Variants in FRG1 observed in about 807,000 individuals in gnomAD.
The protein encoded by FRG1 is protein FRG1.
In FRG1, 19 loss-of-function variants were observed where a neutral mutation model predicts 37.0. That is an observed-to-expected ratio of 0.51 (90% confidence interval 0.36 to 0.75). The LOEUF is 0.75. FRG1 is among the 30% of genes least tolerant of loss of function. The pLI is 0.00. For synonymous variants in FRG1, 73 were observed against 96.5 expected (o/e 0.76, Z 1.43); for missense variants, 243 against 301.4 (o/e 0.81, Z 1.44).
At chr4:189,956,816 C>T (rs1357459656) in intron 5 of FRG1, among the ~76,000 whole-genome samples, 1 of 151,894 alleles carries the variant, frequency 6.6e-6, no homozygotes, top group African/African-American at 2.4e-5. Context: ...AATTTATAAC[C>T]CAGATTTAGA....
intron 5 of FRG1, among the ~76,000 whole-genome samples, chr4:189,955,961 A>G (rs1325580882): frequency 1.3e-5 from 2 of 152,200 alleles, no homozygotes; most frequent in African/African-American, 4.8e-5. Flanking sequence ...AAGATGACAG[A>G]TTAAACAAAC....
At chr4:189,950,402 G>A (rs368304548) in intron 2 of FRG1, among the ~76,000 whole-genome samples, 1 of 152,034 alleles carries the variant, frequency 6.6e-6, no homozygotes, top group Non-Finnish European at 1.5e-5. Context: ...GTTTTCTTTT[G>A]TTGCCTGTGC....
chr4:189,946,618 A>T (rs975387990), intron 2 of FRG1, among the ~76,000 whole-genome samples: 4 of 152,014 alleles, frequency 2.6e-5, no homozygotes, highest in Non-Finnish European at 5.9e-5. Context: ...TTTCATTTTC[A>T]TTCCATTCAA....
intron 2 of FRG1, 89 bp downstream of exon 2, chr4:189,943,361 T>A: frequency 6.9e-7 from 1 of 1,447,938 alleles, no homozygotes; most frequent in Non-Finnish European, 9.4e-7. Context: ...AAATTTATGA[T>A]GTATTCATAT....
At chr4:189,943,958 G>T (rs1736421681) in intron 2 of FRG1, among the ~76,000 whole-genome samples, 1 of 152,132 alleles carries the variant, frequency 6.6e-6, no homozygotes, top group Non-Finnish European at 1.5e-5. Flanking sequence ...TAAATATCTA[G>T]GGTAGATATG....
intron 5 of FRG1, 128 bp downstream of exon 5, chr4:189,955,279 C>G (rs1736935581): frequency 1.7e-6 from 1 of 603,196 alleles, no homozygotes; most frequent in Non-Finnish European, 3.0e-6. Flanking sequence ...AGGAATAAAT[C>G]AATAAGAACA....
intron 4 of FRG1, among the ~76,000 whole-genome samples, chr4:189,953,558 A>T (rs1376187890): frequency 2.0e-5 from 3 of 152,160 alleles, no homozygotes; most frequent in Non-Finnish European, 4.4e-5. Context: ...GTCATTTTAT[A>T]AAGTAACCTT....
chr4:189,941,481 A>G (rs1256530530), intron 1 of FRG1, among the ~76,000 whole-genome samples: 1 of 152,240 alleles, frequency 6.6e-6, no homozygotes, highest in Non-Finnish European at 1.5e-5. Flanking sequence ...TCTAATATGT[A>G]CAGTGAAACC....
rs2293866 is a variant in FRG1, at chr4:189,957,653, A to G, written c.537+151A>G. 0.29 allele frequency: 199,468 copies of G among 688,904 alleles called. 32,135 individuals are homozygous for G. Among genetic ancestry groups the G allele is most frequent in the African/African-American group, 0.45 (25,016 of 54,994 alleles). 42.7% of individuals were successfully genotyped at this position (688,904 alleles called of 1,614,324 possible). A position where few individuals can be genotyped will look rare whatever the true frequency, so the allele number is the denominator to read the frequency against. On this transcript the variant is annotated intron_variant, in intron 6 of 8. Transcript: ENST00000226798. ...GTTTCAAATAGACTCATTTTTAATT[A>G]TAAATCCCATAGTTGATGTCTTGTT...
intron 1 of FRG1, 84 bp from the exon 2 acceptor site, chr4:189,943,118 A>G (rs1038191886): frequency 2.8e-6 from 4 of 1,407,080 alleles, no homozygotes; most frequent in Non-Finnish European, 3.8e-6. Flanking sequence ...GAAACAGCTT[A>G]AAAGACTTTC....
chr4:189,943,237 GAGA>G lies in FRG1; in HGVS notation c.105_107del (p.Glu35del), dbSNP rs747879491. On this transcript the variant is annotated inframe_deletion, in exon 2 of 9. Coordinates refer to ENST00000226798, the MANE Select transcript of FRG1 (RefSeq NM_004477.3). ...AAGAGCAAAGATAAGAAAAGAAAAA[GAGA>G]AGAAGATGAAGAAACCCAGCTTGAT... is the stretch of plus-strand genomic sequence containing the variant. 1.3e-4 allele frequency: 205 copies of G among 1,608,272 alleles called. No homozygotes were observed. Among genetic ancestry groups the G allele is most frequent in the East Asian group, 3.6e-4 (16 of 44,724 alleles).
chr4:189,941,055 G>T lies in FRG1; in HGVS notation c.46G>T (p.Gly16Ter). The change falls in exon 1 of 9, where the codon GGA (glycine) becomes TGA (stop). Residue 16 changes from glycine (G) to a stop codon, truncating the protein, a stop_gained. Transcript: ENST00000226798. LOFTEE classifies it high-confidence loss of function. ...YVKSTKLVLKGTKTKSKKKKS... is the reference protein window; with the variant it reads ...YVKSTKLVLK ...GAAGTCTACCAAGCTCGTGCTCAAG[G>T]GAACCAAGACGAAGAGGTGGGTCCT... 1 of 1,614,140 alleles carries T rather than the reference G, an allele frequency of 6.2e-7. No homozygotes were observed. The highest frequency in any genetic ancestry group is 8.5e-7 in the Non-Finnish European group (1 of 1,179,978).
At chr4:189,949,534 G>A (rs1579626248) in intron 2 of FRG1, among the ~76,000 whole-genome samples, 1 of 152,166 alleles carries the variant, frequency 6.6e-6, no homozygotes, top group Non-Finnish European at 1.5e-5. Flanking sequence ...TAAGGAGCTT[G>A]TCTGCCAGAA....
intron 6 of FRG1, among the ~76,000 whole-genome samples, chr4:189,958,725 A>G (rs1161994786): frequency 6.6e-6 from 1 of 152,262 alleles, no homozygotes. Context: ...TACTGTTAAT[A>G]TAACCTAGAT....
intron 2 of FRG1, among the ~76,000 whole-genome samples, chr4:189,950,200 G>T (rs200786473): frequency 2.9e-5 from 4 of 136,064 alleles, no homozygotes; most frequent in Non-Finnish European, 4.8e-5. Context: ...CAATGTCCGT[G>T]TATATCCTTT....
chr4:189,960,018 G>A (rs1195227347), intron 6 of FRG1: 1 of 426,744 alleles, frequency 2.3e-6, no homozygotes, highest in Admixed American at 6.4e-5. Flanking sequence ...CCCTAGCAGG[G>A]AATGTTTTCA....
chr4:189,944,466 A>G (rs1193464850), intron 2 of FRG1, among the ~76,000 whole-genome samples: 1 of 151,654 alleles, frequency 6.6e-6, no homozygotes, highest in Non-Finnish European at 1.5e-5. Context: ...TATGTCTTTG[A>G]TCTAAGAGAT....
intron 5 of FRG1, among the ~76,000 whole-genome samples, chr4:189,956,600 C>A (rs1397067744): frequency 6.6e-6 from 1 of 152,162 alleles, no homozygotes; most frequent in African/African-American, 2.4e-5. Flanking sequence ...GAGAGACCAC[C>A]CAGCCCTTGT....
intron 4 of FRG1, among the ~76,000 whole-genome samples, chr4:189,953,696 T>C (rs1156916620): frequency 6.6e-6 from 1 of 152,074 alleles, no homozygotes; most frequent in African/African-American, 2.4e-5. Flanking sequence ...ATCATTAATG[T>C]ATAAAGGAGT....
Sources: gnomAD v4.1 joint callset for allele counts (sites outside exome capture counted in the v4.1 genomes callset) on GRCh38, gnomAD v4.1.1 for gene constraint, MANE v1.5 for transcripts, NCBI Gene and HGNC (gene_info 2026-07-23, HGNC 2026-07-21) for gene names.